NUP93: variants seen among roughly 807,000 people sequenced by gnomAD.
NUP93 encodes the protein nuclear pore complex protein Nup93.
Under a neutral mutation model 107.8 loss-of-function variants are expected in NUP93, and 55 were observed. That is an observed-to-expected ratio of 0.51 (90% confidence interval 0.41 to 0.64). The LOEUF (loss-of-function observed/expected upper bound fraction) is 0.64, where lower values mean the gene tolerates loss of function less well. Among genes scored for constraint, NUP93 ranks in the 30% least tolerant of loss-of-function variants. The probability of loss-of-function intolerance (pLI) is 0.00; values close to 1 mark genes in which losing one functional copy is unlikely to be tolerated. For missense variants in NUP93, 937 were observed against 1,044.7 expected (o/e 0.90, Z 1.42); for synonymous variants, 390 against 397.5 (o/e 0.98, Z 0.22).
chr16:56,749,412 T>C (rs550737388), intron 2 of NUP93, among the ~76,000 whole-genome samples: 1 of 152,286 alleles, frequency 6.6e-6, no homozygotes, highest in South Asian at 2.1e-4. Flanking sequence ...TCAAACCTAG[T>C]GAGGTTGACT....
In NUP93 at chr16:56,827,044, C is replaced by CAAAAAAAAAAAAA. The variant is rs1188027635; in HGVS notation, c.795-1920_795-1908dup. Among the ~76,000 whole-genome samples the CAAAAAAAAAAAAA allele has an allele frequency of 3.2e-3, 169 of 53,578 alleles. 12 individuals are homozygous for CAAAAAAAAAAAAA. The highest frequency in any genetic ancestry group is 0.011 in the East Asian group (22 of 2,046). 35.1% of individuals were successfully genotyped at this position (53,578 alleles called of 152,430 possible). On this transcript the variant is annotated intron_variant, in intron 8 of 21. Coordinates refer to ENST00000308159, the MANE Select transcript of NUP93 (RefSeq NM_014669.5). ...CTGGGGATGGAATGAGACTCCGTCT[C>CAAAAAAAAAAAAA]AAAAAAAAAAAAAAAAAAAAAAAAA...
chr16:56,788,699 C>T (rs182208850), intron 3 of NUP93, among the ~76,000 whole-genome samples: 1 of 152,338 alleles, frequency 6.6e-6, no homozygotes, highest in East Asian at 1.9e-4. Context: ...AAATGGCCAT[C>T]ATAGGAATGC....
chr16:56,815,704 A>T (rs1339585293), intron 5 of NUP93, among the ~76,000 whole-genome samples: 1 of 152,166 alleles, frequency 6.6e-6, no homozygotes, highest in African/African-American at 2.4e-5. Context: ...GTAGGGATTC[A>T]TACCGTTTTT....
In NUP93 at chr16:56,739,880, G is replaced by A. The variant is rs1192396574; in HGVS notation, c.-14-8354G>A. ...CCCCGACCTCCCTCCCGGACGGGGC[G>A]GCTGGCCAGGCGGGGGGCTGACCCC... is the stretch of plus-strand genomic sequence containing the variant. On this transcript the variant is annotated intron_variant, in intron 1 of 21. Coordinates refer to ENST00000308159, the MANE Select transcript of NUP93 (RefSeq NM_014669.5). Among the ~76,000 whole-genome samples, 54 of 69,366 alleles carry A rather than the reference G, an allele frequency of 7.8e-4. 2 individuals are homozygous for A. The highest frequency in any genetic ancestry group is 0.01 in the Middle Eastern group (1 of 98). 45.5% of individuals were successfully genotyped at this position (69,366 alleles called of 152,430 possible). A position where few individuals can be genotyped will look rare whatever the true frequency, so the allele number is the denominator to read the frequency against.
At chr16:56,806,149 T>A (rs889460450) in intron 5 of NUP93, among the ~76,000 whole-genome samples, 3 of 150,946 alleles carry the variant, frequency 2.0e-5, no homozygotes, top group Non-Finnish European at 4.4e-5. Flanking sequence ...CCTATCCCCC[T>A]TCTCTTCTCA....
intron 5 of NUP93, among the ~76,000 whole-genome samples, chr16:56,806,840 C>T (rs1400318507): frequency 6.6e-6 from 1 of 152,160 alleles, no homozygotes; most frequent in Non-Finnish European, 1.5e-5. Flanking sequence ...GAGGATTATA[C>T]AAGGGCTTGA....
Position 56,849,987 on chromosome 16 carries a change from T to C in NUP93, c.*5378T>C, listed in dbSNP as rs560683251. ...CAGGAATTTCAAATACTGTGTATTT[T>C]AGAAAGAAAGGAAAGAGCCAAAGTA... is the stretch of plus-strand genomic sequence containing the variant. On this transcript the variant is annotated 3_prime_UTR_variant, in exon 22 of 22. Transcript: ENST00000308159. 6.6e-6 allele frequency: 1 copy of C among 152,352 alleles called. No individual in the cohort carries two copies. The highest frequency in any genetic ancestry group is 2.1e-4 in the South Asian group (1 of 4,832). The allele number at this position is 152,352 out of a possible 1,614,324, so 9.4% of individuals were successfully genotyped here. A position where few individuals can be genotyped will look rare whatever the true frequency, so the allele number is the denominator to read the frequency against.
chr16:56,808,655 T>C (rs1437055379), intron 5 of NUP93, among the ~76,000 whole-genome samples: 14 of 134,636 alleles, frequency 1.0e-4, no homozygotes, highest in Non-Finnish European at 1.7e-4. Flanking sequence ...TATATAAAAA[T>C]ACATATATTT....
chr16:56,746,669 A>G (rs1454758993), intron 1 of NUP93, among the ~76,000 whole-genome samples: 1 of 152,240 alleles, frequency 6.6e-6, no homozygotes, highest in Non-Finnish European at 1.5e-5. Context: ...CCTTTTGACA[A>G]TTAACCTGTG....
At chr16:56,798,999 G>T (rs1325828127) in intron 4 of NUP93, among the ~76,000 whole-genome samples, 1 of 151,988 alleles carries the variant, frequency 6.6e-6, no homozygotes, top group Admixed American at 6.6e-5. Flanking sequence ...CATTTTTTGA[G>T]GAGAATACCA....
At chr16:56,830,469 A>G (rs1963757679) in intron 9 of NUP93, 59 bp from the exon 10 acceptor site, 3 of 1,480,440 alleles carry the variant, frequency 2.0e-6, no homozygotes, top group South Asian at 1.4e-5. Flanking sequence ...GTTTTAGCAC[A>G]TATGAAAGCA....
intron 3 of NUP93, among the ~76,000 whole-genome samples, chr16:56,772,024 CTTTTTT>C (rs1180549097): frequency 6.6e-6 from 1 of 151,924 alleles, no homozygotes; most frequent in East Asian, 1.9e-4. Flanking sequence ...TTTTCTTTTT[CTTTTTT>C]GGTCTTTTCT....
rs1963831696 is a variant in NUP93, at chr16:56,833,202, TCCTCTCTCC to T, written c.1346-11_1346-3del. The T allele has an allele frequency of 6.3e-7, 1 of 1,590,040 alleles. No homozygotes were observed. The highest frequency in any genetic ancestry group is 1.1e-5 in the South Asian group (1 of 87,006). Reference sequence around the variant, plus strand: ...TAAGTTGGTTTTATCTCCTCTCCTCTCCTCTCTCCCAGGCGAGTCCCACTTTACGGTGAA... The same window carrying T: ...TAAGTTGGTTTTATCTCCTCTCCTCTCAGGCGAGTCCCACTTTACGGTGAA... On this transcript the variant is annotated splice_region_variant and splice_polypyrimidine_tract_variant and intron_variant, in intron 12 of 21. Coordinates refer to ENST00000308159, the MANE Select transcript of NUP93 (RefSeq NM_014669.5).
intron 3 of NUP93, among the ~76,000 whole-genome samples, chr16:56,770,358 C>T (rs1962296844): frequency 6.6e-6 from 1 of 152,190 alleles, no homozygotes; most frequent in Non-Finnish European, 1.5e-5. Flanking sequence ...AAAAAACTTT[C>T]ACCATCTTCT....
At chr16:56,834,310 G>T (rs1963865426) in intron 14 of NUP93, 56 bp downstream of exon 14, 1 of 1,613,384 alleles carries the variant, frequency 6.2e-7, no homozygotes, top group Non-Finnish European at 8.5e-7. Context: ...GCCATTCTGA[G>T]AATGACTATT....
intron 21 of NUP93, 103 bp from the exon 22 acceptor site, chr16:56,844,396 G>T (rs1347798911): frequency 3.6e-6 from 2 of 560,150 alleles, no homozygotes; most frequent in Non-Finnish European, 2.9e-6. Flanking sequence ...GACACGCTGG[G>T]GTAGAGGATG....
At chr16:56,832,046 CTT>C (rs779928729) in intron 11 of NUP93, 39 bp downstream of exon 11, 23 of 1,608,482 alleles carry the variant, frequency 1.4e-5, no homozygotes, top group Non-Finnish European at 1.9e-5. Context: ...GGCTTTACCC[CTT>C]TTCTGTGCTC....
intron 18 of NUP93, 33 bp downstream of exon 18, chr16:56,837,759 G>A: frequency 1.3e-6 from 2 of 1,553,996 alleles, no homozygotes; most frequent in Non-Finnish European, 1.8e-6. Context: ...GGGACCCTGA[G>A]GGTGCCACTG....
At chr16:56,743,064 T>C (rs1961765154) in intron 1 of NUP93, among the ~76,000 whole-genome samples, 1 of 152,264 alleles carries the variant, frequency 6.6e-6, no homozygotes, top group Non-Finnish European at 1.5e-5. Context: ...TACAATGGTT[T>C]AGAAGTGCTT....
Sources: gnomAD v4.1 joint callset for allele counts (sites outside exome capture counted in the v4.1 genomes callset) on GRCh38, gnomAD v4.1.1 for gene constraint, MANE v1.5 for transcripts, NCBI Gene and HGNC (gene_info 2026-07-23, HGNC 2026-07-21) for gene names.